Variants in DCHS2 observed in about 807,000 individuals in gnomAD.
DCHS2 encodes dachsous cadherin-related 2.
In DCHS2, 142 loss-of-function variants were observed where a neutral mutation model predicts 182.4. The ratio of observed to expected loss-of-function variants is 0.78; its 90% confidence interval spans 0.68 to 0.89. The LOEUF is 0.89. Ranked by LOEUF, DCHS2 falls within the 40% of genes least tolerant of loss-of-function variation. DCHS2 has a pLI of 0.00. For synonymous variants in DCHS2, 1,740 were observed against 1,663.3 expected (o/e 1.05, Z -1.12); for missense variants, 4,319 against 4,198.6 (o/e 1.03, Z -0.79).
At chr4:154,391,331 A>C (rs1215803305) in intron 1 of DCHS2, 1 of 1,556,572 alleles carries the variant, frequency 6.4e-7, no homozygotes, top group Non-Finnish European at 8.7e-7. Context: ...GGGTAGCTTC[A>C]ACTTCATGTC....
intron 1 of DCHS2, among the ~76,000 whole-genome samples, chr4:154,419,435 G>A (rs1733005226): frequency 6.6e-6 from 1 of 151,968 alleles, no homozygotes; most frequent in Non-Finnish European, 1.5e-5. Context: ...TGGATCACCT[G>A]AGGTCAGGAG....
At chr4:154,356,303 GTGTT>G (rs746063913) in intron 3 of DCHS2, among the ~76,000 whole-genome samples, 19 of 152,172 alleles carry the variant, frequency 1.2e-4, no homozygotes, top group Admixed American at 1.3e-4. Context: ...ACTATACAAT[GTGTT>G]TGTCTTTCAA....
chr4:154,291,790 A>G (rs1017291548), intron 13 of DCHS2, among the ~76,000 whole-genome samples: 1 of 151,996 alleles, frequency 6.6e-6, no homozygotes, highest in Non-Finnish European at 1.5e-5. Context: ...GATGGTTACC[A>G]GAAGCTGGGA....
intron 7 of DCHS2, among the ~76,000 whole-genome samples, chr4:154,327,736 C>T (rs2111351079): frequency 6.6e-6 from 1 of 152,204 alleles, no homozygotes; most frequent in South Asian, 2.1e-4. Flanking sequence ...TTTATAGATG[C>T]TTGGAACTCT....
At chr4:154,322,783 A>G (rs934488607) in intron 7 of DCHS2, 1 of 288,604 alleles carries the variant, frequency 3.5e-6, no homozygotes, top group South Asian at 6.8e-5. Flanking sequence ...TTCCCCATGT[A>G]TATACTTCGC....
chr4:154,300,409 G>A (rs1735148569), intron 12 of DCHS2, among the ~76,000 whole-genome samples: 1 of 150,720 alleles, frequency 6.6e-6, no homozygotes, highest in South Asian at 2.1e-4. Context: ...AAAATAGGAT[G>A]GTTCCTGTAA....
intron 1 of DCHS2, among the ~76,000 whole-genome samples, chr4:154,419,906 CAT>C (rs1733032527): frequency 1.3e-5 from 2 of 150,272 alleles, no homozygotes; most frequent in South Asian, 2.1e-4. Flanking sequence ...GGGAAGTGGA[CAT>C]ATATAGGCAG....
intron 14 of DCHS2, among the ~76,000 whole-genome samples, chr4:154,265,006 C>T (rs965978070): frequency 2.0e-5 from 3 of 152,032 alleles, no homozygotes; most frequent in Non-Finnish European, 4.4e-5. Context: ...TAATGTTGGA[C>T]TTTATATATG....
At chr4:154,396,880 C>T (rs1731948852) in intron 1 of DCHS2, among the ~76,000 whole-genome samples, 1 of 152,208 alleles carries the variant, frequency 6.6e-6, no homozygotes, top group Non-Finnish European at 1.5e-5. Flanking sequence ...ATTCTCAGCG[C>T]TACTTCTCTG....
intron 1 of DCHS2, among the ~76,000 whole-genome samples, chr4:154,453,338 G>A (rs183967491): frequency 6.0e-5 from 9 of 150,444 alleles, no homozygotes; most frequent in African/African-American, 1.7e-4. Flanking sequence ...AGGGGGTGGG[G>A]GTGGTGGGCA....
Position 154,259,671 on chromosome 4 carries a change from C to G in DCHS2, c.6663G>C (p.Gly2221=). ...CTGCTACTTTGCAATAGGCTCTATGCCCACTACTTTCAGCTAAAACGATGA... is the reference window on the plus strand; with the variant it reads ...CTGCTACTTTGCAATAGGCTCTATGGCCACTACTTTCAGCTAAAACGATGA... ...VQLIVLAESS[G]HRAYCKVAVL... Residue 2221 remains glycine, a synonymous_variant, in exon 15 of 20, where the codon GGG becomes GGC. Transcript: ENST00000357232. 1 of 1,613,978 alleles carries G rather than the reference C, an allele frequency of 6.2e-7. No individual in the cohort carries two copies. The highest frequency in any genetic ancestry group is 2.2e-5 in the East Asian group (1 of 44,844).
chr4:154,363,069 A>G (rs1273796896), intron 3 of DCHS2, among the ~76,000 whole-genome samples: 1 of 152,208 alleles, frequency 6.6e-6, no homozygotes, highest in Non-Finnish European at 1.5e-5. Context: ...AATCAACTGT[A>G]TATTCTAATA....
At chr4:154,460,470 C>T (rs1734965215) in intron 1 of DCHS2, among the ~76,000 whole-genome samples, 1 of 152,146 alleles carries the variant, frequency 6.6e-6, no homozygotes, top group African/African-American at 2.4e-5. Flanking sequence ...GCTATTAAAG[C>T]TTCAGTTTCC....
rs1042594362 is a variant in DCHS2, at chr4:154,333,301, G to A, written c.2907C>T (p.Val969=). ...CTGGGTGGTTGTCATTGACATCCATGACTGTTATGTTGACCTCGGTGCTGC... is the reference window on the plus strand; with the variant it reads ...CTGGGTGGTTGTCATTGACATCCATAACTGTTATGTTGACCTCGGTGCTGC... ...ACSSTEVNIT[V]MDVNDNHPAF... Residue 969 remains valine, a synonymous_variant, in exon 5 of 20, where the codon GTC becomes GTT. Coordinates refer to ENST00000357232, the MANE Select transcript of DCHS2 (RefSeq NM_001358235.2). 68 of 1,614,090 alleles carry A rather than the reference G, an allele frequency of 4.2e-5. No individual in the cohort carries two copies. Among genetic ancestry groups the A allele is most frequent in the Non-Finnish European group, 5.4e-5 (64 of 1,180,048 alleles).
At position 154,462,193 on chromosome 4, in the gene DCHS2, A is replaced by G. The variant is rs1482048405; in HGVS notation, c.2052+27111T>C. Among the ~76,000 whole-genome samples the G allele has an allele frequency of 5.9e-5, 9 of 152,182 alleles. 1 individual carries two copies. Among genetic ancestry groups the G allele is most frequent in the Non-Finnish European group, 2.9e-5 (2 of 68,034 alleles). On this transcript the variant is annotated intron_variant, in intron 1 of 19. Coordinates refer to ENST00000357232, the MANE Select transcript of DCHS2 (RefSeq NM_001358235.2). ...GGTTGCTCTTTGTCTCAAGTTACAAATGATACATCCAATTTTTGCCTTAGA... is the reference window on the plus strand; with the variant it reads ...GGTTGCTCTTTGTCTCAAGTTACAAGTGATACATCCAATTTTTGCCTTAGA...
chr4:154,266,517 G>T (rs959937223), intron 14 of DCHS2, among the ~76,000 whole-genome samples: 2 of 152,034 alleles, frequency 1.3e-5, no homozygotes, highest in Non-Finnish European at 2.9e-5. Context: ...TTACCTGGGT[G>T]TGGTGGCGCA....
chr4:154,337,374 C>A (rs1165138361), intron 3 of DCHS2, among the ~76,000 whole-genome samples: 1 of 152,184 alleles, frequency 6.6e-6, no homozygotes, highest in Non-Finnish European at 1.5e-5. Context: ...TCTGCCTCAA[C>A]ACAACCTGGT....
chr4:154,265,676 C>G (rs1733215215), intron 14 of DCHS2, among the ~76,000 whole-genome samples: 1 of 148,318 alleles, frequency 6.7e-6, no homozygotes, highest in South Asian at 2.1e-4. Flanking sequence ...ATCTCTGGGA[C>G]AAAAAAGAGA....
chr4:154,272,618 C>T (rs1224198589), intron 13 of DCHS2, among the ~76,000 whole-genome samples: 2 of 152,072 alleles, frequency 1.3e-5, no homozygotes, highest in South Asian at 2.1e-4. Flanking sequence ...GTAAGGCATG[C>T]CTCCACCCCT....
Sources: allele counts gnomAD v4.1 joint callset (sites outside exome capture counted in the v4.1 genomes callset), GRCh38; gene constraint gnomAD v4.1.1; transcripts MANE v1.5; gene names NCBI Gene and HGNC (gene_info 2026-07-23, HGNC 2026-07-21).